The following MESD variants were observed in gnomAD, a reference collection of about 807,000 sequenced individuals.
MESD encodes mesoderm development LRP chaperone.
A neutral mutation model predicts 12.9 loss-of-function variants in MESD; 7 were observed. That is an observed-to-expected ratio of 0.54 (90% CI 0.31 to 1.02). MESD has a LOEUF of 1.02. Ranked by LOEUF, MESD falls within the 50% of genes least tolerant of loss-of-function variation. The pLI is 0.05. For synonymous variants in MESD, 126 were observed against 115.6 expected, an observed-to-expected ratio of 1.09 and a Z score of -0.58; for missense variants, 342 against 296.7, an observed-to-expected ratio of 1.15 and a Z score of -1.12.
intron 3 of MESD, among the ~76,000 whole-genome samples, chr15:80,961,575 A>C (rs919642224): frequency 6.6e-6 from 1 of 152,224 alleles, no homozygotes; most frequent in Non-Finnish European, 1.5e-5. Flanking sequence ...TGACTGCAAA[A>C]TGTATTCAGA....
intron 3 of MESD, chr15:80,952,919 T>C: frequency 2.2e-6 from 1 of 455,180 alleles, no homozygotes; most frequent in Non-Finnish European, 4.4e-6. Context: ...AATGACCCCA[T>C]GGAGAACATG....
At chr15:80,949,509 T>A (rs1415171739) in intron 4 of MESD, 1 of 174,274 alleles carries the variant, frequency 5.7e-6, no homozygotes, top group East Asian at 1.4e-4. Flanking sequence ...AGACTTTGAG[T>A]GGCAGGTTTG....
At chr15:80,981,236 G>C (rs1391804873) in intron 2 of MESD, among the ~76,000 whole-genome samples, 2 of 151,432 alleles carry the variant, frequency 1.3e-5, no homozygotes, top group African/African-American at 4.8e-5. Flanking sequence ...AGGAGATTGA[G>C]ACCATCCTGG....
downstream of MESD, among the ~76,000 whole-genome samples, chr15:80,972,550 G>A (rs1322342163): frequency 6.6e-6 from 1 of 152,190 alleles, no homozygotes; most frequent in Non-Finnish European, 1.5e-5. Context: ...CCTAGAAAGG[G>A]ACATGGATCG....
At chr15:80,974,022 G>C (rs953311898), downstream of MESD, among the ~76,000 whole-genome samples, 7 of 152,074 alleles carry the variant, frequency 4.6e-5, no homozygotes, top group Admixed American at 4.6e-4. Flanking sequence ...ACTCTCTGAA[G>C]TCTTGGCAAT....
intron 3 of MESD, among the ~76,000 whole-genome samples, chr15:80,968,491 A>C (rs558989961): frequency 4.5e-4 from 68 of 152,204 alleles, no homozygotes; most frequent in African/African-American, 1.6e-3. Context: ...CAAAACACAC[A>C]CACAAATGAT....
At chr15:80,981,814 C>A (rs950270680) in intron 2 of MESD, 136 bp downstream of exon 2, 2 of 665,492 alleles carry the variant, frequency 3.0e-6, no homozygotes, top group African/African-American at 1.8e-5. Flanking sequence ...GAGATCACGC[C>A]GCTGCACTCC....
intron 1 of MESD, among the ~76,000 whole-genome samples, chr15:80,984,339 C>A (rs766227608): frequency 9.2e-5 from 14 of 151,844 alleles, no homozygotes; most frequent in Non-Finnish European, 2.1e-4. Flanking sequence ...TTTAGGAGGT[C>A]GAAGCTGGAG....
rs796808569 is a variant in MESD at position 80,955,329 on chromosome 15, CA to C, written c.*289-3034del. ...TGAAACCCTGTCTCTACTAAAAATA[CA>C]AAAAAAAAAAAATAGCCGGGCGCAG... On this transcript the variant is annotated intron_variant, in intron 3 of 4. Transcript: ENST00000561312. 7.8e-3 allele frequency among the ~76,000 whole-genome samples: 991 copies of C among 126,406 alleles called. 7 individuals carry two copies. Among genetic ancestry groups the C allele is most frequent in the African/African-American group, 0.019 (655 of 34,588 alleles). 82.9% of individuals were successfully genotyped at this position (126,406 alleles called of 152,430 possible).
chr15:80,986,670 G>A (rs1438091851), intron 1 of MESD, among the ~76,000 whole-genome samples: 2 of 152,144 alleles, frequency 1.3e-5, no homozygotes, highest in African/African-American at 4.8e-5. Context: ...TCTTTACCCT[G>A]AGGCAGAGCG....
intron 3 of MESD, among the ~76,000 whole-genome samples, chr15:80,957,881 C>T (rs1902016773): frequency 6.8e-6 from 1 of 147,064 alleles, no homozygotes; most frequent in South Asian, 2.3e-4. Context: ...ACCCACCCCC[C>T]CACCCCCATA....
chr15:80,969,165 G>A (rs564738362), intron 3 of MESD, among the ~76,000 whole-genome samples: 1 of 152,244 alleles, frequency 6.6e-6, no homozygotes, highest in South Asian at 2.1e-4. Flanking sequence ...ACTCCAGCGT[G>A]AGCAACAGAG....
intron 1 of MESD, 46 bp from the exon 2 acceptor site, chr15:80,982,228 C>G (rs1902602044): frequency 6.5e-7 from 1 of 1,541,616 alleles, no homozygotes; most frequent in Non-Finnish European, 8.9e-7. Context: ...CAGAATCTTG[C>G]TTTTCAACTG....
intron 3 of MESD, among the ~76,000 whole-genome samples, chr15:80,963,360 C>A (rs557792790): frequency 3.4e-4 from 52 of 152,276 alleles, no homozygotes; most frequent in African/African-American, 1.1e-3. Flanking sequence ...CAAAAGAAGT[C>A]CAGGACCAGA....
intron 3 of MESD, among the ~76,000 whole-genome samples, chr15:80,960,660 C>A (rs1288633428): frequency 1.3e-5 from 2 of 152,282 alleles, no homozygotes; most frequent in Middle Eastern, 3.4e-3. Flanking sequence ...AAGGAAAAAT[C>A]ATCAAAATTG....
At chr15:80,949,956 C>A (rs1388390317) in intron 4 of MESD, 1 of 152,150 alleles carries the variant, frequency 6.6e-6, no homozygotes, top group Non-Finnish European at 1.5e-5. Context: ...GTCTCTCTGG[C>A]CCACTCATGA....
downstream of MESD, among the ~76,000 whole-genome samples, chr15:80,974,040 C>A (rs530901925): frequency 6.6e-6 from 1 of 152,138 alleles, no homozygotes; most frequent in Admixed American, 6.5e-5. Flanking sequence ...AATCATTTTT[C>A]CTTGTAATAG....
At chr15:80,958,014 C>T (rs756111794) in intron 3 of MESD, among the ~76,000 whole-genome samples, 30 of 152,260 alleles carry the variant, frequency 2.0e-4, no homozygotes, top group Admixed American at 1.2e-3. Flanking sequence ...CTGGCCCAGT[C>T]AAGTGGATAC....
chr15:80,980,593 A>C (rs1902547913), intron 2 of MESD, among the ~76,000 whole-genome samples: 2 of 152,140 alleles, frequency 1.3e-5, no homozygotes. Flanking sequence ...ATGAAATAAA[A>C]GCTAAAGATC....
Sources: allele counts gnomAD v4.1 joint callset (sites outside exome capture counted in the v4.1 genomes callset), GRCh38; gene constraint gnomAD v4.1.1; transcripts MANE v1.5; gene names NCBI Gene and HGNC (gene_info 2026-07-23, HGNC 2026-07-21).